Variants in TBC1D10B observed in about 807,000 individuals in gnomAD.
TBC1D10B encodes TBC1 domain family member 10B.
TBC1D10B carries 25 observed loss-of-function variants against 78.4 expected under a neutral mutation model. The ratio of observed to expected loss-of-function variants is 0.32; its 90% CI spans 0.23 to 0.45. The LOEUF (loss-of-function observed/expected upper bound fraction) is 0.45, where lower values mean the gene tolerates loss of function less well. Ranked by LOEUF, TBC1D10B falls within the 20% of genes least tolerant of loss-of-function variation. The pLI, the probability that TBC1D10B is intolerant of heterozygous loss-of-function variation, is 1.00. For missense variants in TBC1D10B, 996 were observed against 1,104.8 expected, an observed-to-expected ratio of 0.90 and a Z score of 1.40; for synonymous variants, 517 against 478.0, an observed-to-expected ratio of 1.08 and a Z score of -1.06.
chr16:30,358,748 C>T lies in TBC1D10B; in HGVS notation c.1712G>A (p.Arg571His), dbSNP rs1409118533. Residue 571 changes from arginine to histidine, a missense_variant, in exon 8 of 9, where the codon CGC becomes CAC. Transcript: ENST00000409939. ...GGTCTCATACATGCCTTGGCAGGAG[C>T]GCAGCTTCTCCACTGAGCCCAGCGT... ...RHTLGSVEKL[R>H]SCQGMYETME... is the part of the protein sequence containing the mutation. 6 of 1,609,174 alleles carry T rather than the reference C, an allele frequency of 3.7e-6. No individual in the cohort carries two copies. The highest frequency in any genetic ancestry group is 3.3e-4 in the Middle Eastern group (2 of 5,976).
Position 30,359,071 on chromosome 16 carries a change from A to G in TBC1D10B, c.1642+101T>C, listed in dbSNP as rs1469550435. ...CTGCTTATGGTGAAACCTCCACCCAACAAGTACCTTTTGTCCATGGACCAC... is the reference window on the plus strand; with the variant it reads ...CTGCTTATGGTGAAACCTCCACCCAGCAAGTACCTTTTGTCCATGGACCAC... On this transcript the variant is annotated intron_variant, in intron 7 of 8. Coordinates refer to ENST00000409939, the MANE Select transcript of TBC1D10B (RefSeq NM_015527.4). The G allele has an allele frequency of 2.1e-6, 3 of 1,421,244 alleles. No homozygotes were observed. The African/African-American group carries it at 4.3e-5, about 21-fold the overall frequency. The allele number at this position is 1,421,244 out of a possible 1,614,324, so 88.0% of individuals were successfully genotyped here. A position where few individuals can be genotyped will look rare whatever the true frequency, so the allele number is the denominator to read the frequency against.
At chr16:30,359,138 C>A in intron 7 of TBC1D10B, 34 bp downstream of exon 7, 1 of 1,579,714 alleles carries the variant, frequency 6.3e-7, no homozygotes, top group Non-Finnish European at 8.6e-7. Flanking sequence ...ACAGAAACCC[C>A]AGCCCCTCAT....
rs985521231 is a variant in TBC1D10B, at chr16:30,357,788, G to C, written c.*156C>G. On this transcript the variant is annotated 3_prime_UTR_variant, in exon 9 of 9. Transcript: ENST00000409939. Reference sequence around the variant, plus strand: ...TTGCAGCTGCCCATCTGTCCTGCCCGTGTAGGGATCAGCAGCTGGCGAGGA... The same window carrying C: ...TTGCAGCTGCCCATCTGTCCTGCCCCTGTAGGGATCAGCAGCTGGCGAGGA... The C allele has an allele frequency of 9.7e-7, 1 of 1,027,228 alleles. No individual in the cohort carries two copies. The highest frequency in any genetic ancestry group is 1.6e-5 in the African/African-American group (1 of 61,958). 63.6% of individuals were successfully genotyped at this position (1,027,228 alleles called of 1,614,324 possible).
At chr16:30,359,953 C>T (rs749282585) in intron 4 of TBC1D10B, 112 bp from the exon 5 acceptor site, 2 of 972,908 alleles carry the variant, frequency 2.1e-6, no homozygotes, top group African/African-American at 3.3e-5. Context: ...ATCCACCTGC[C>T]CAGTCCTGCT....
chr16:30,364,880 C>T lies in TBC1D10B; in HGVS notation c.1271+20G>A. The T allele has an allele frequency of 5.7e-6, 9 of 1,587,932 alleles. No homozygotes were observed. The highest frequency in any genetic ancestry group is 6.9e-6 in the Non-Finnish European group (8 of 1,167,082). On this transcript the variant is annotated intron_variant, in intron 4 of 8. Coordinates refer to ENST00000409939, the MANE Select transcript of TBC1D10B (RefSeq NM_015527.4). ...CCAGCCAATGTTTGCTGACTGACCC[C>T]CATGGTCCGGCCACCTTACCCATGC...
At chr16:30,363,132 C>G (rs999059606) in intron 4 of TBC1D10B, among the ~76,000 whole-genome samples, 1 of 152,192 alleles carries the variant, frequency 6.6e-6, no homozygotes, top group African/African-American at 2.4e-5. Context: ...AACAGCAACT[C>G]CATTCTTCTC....
Position 30,359,614 on chromosome 16 carries a change from C to T in TBC1D10B, c.1387-11G>A. The T allele has an allele frequency of 6.4e-7, 1 of 1,559,138 alleles. No homozygotes were observed. The highest frequency in any genetic ancestry group is 8.7e-7 in the Non-Finnish European group (1 of 1,151,472). ...GCACCAAAAGGCTTGCTGAGAAGAGCAAGAACAAGGAGGAGGGGTGGGGCC... is the reference window on the plus strand; with the variant it reads ...GCACCAAAAGGCTTGCTGAGAAGAGTAAGAACAAGGAGGAGGGGTGGGGCC... On this transcript the variant is annotated splice_polypyrimidine_tract_variant and intron_variant, in intron 5 of 8. Coordinates refer to ENST00000409939, the MANE Select transcript of TBC1D10B (RefSeq NM_015527.4).
In TBC1D10B at chr16:30,359,855, G is replaced by T; in HGVS notation, c.1272-14C>A. 6.4e-7 allele frequency: 1 copy of T among 1,551,920 alleles called. No homozygotes were observed. The highest frequency in any genetic ancestry group is 8.7e-7 in the Non-Finnish European group (1 of 1,146,978). Reference sequence around the variant, plus strand: ...AGGTCCTGTTGCCTGTGGGGGTTGGGGAAGACTGTGAGGGCAGTCACGGGC... The same window carrying T: ...AGGTCCTGTTGCCTGTGGGGGTTGGTGAAGACTGTGAGGGCAGTCACGGGC... On this transcript the variant is annotated splice_polypyrimidine_tract_variant and intron_variant, in intron 4 of 8. Coordinates refer to ENST00000409939, the MANE Select transcript of TBC1D10B (RefSeq NM_015527.4).
chr16:30,358,335 G>T lies in TBC1D10B; in HGVS notation c.2036C>A (p.Pro679Gln). 6.4e-7 allele frequency: 1 copy of T among 1,562,432 alleles called. No homozygotes were observed. The highest frequency in any genetic ancestry group is 8.7e-7 in the Non-Finnish European group (1 of 1,153,320). Residue 679 changes from proline to glutamine, a missense_variant, in exon 9 of 9, where the codon CCG (proline) becomes CAG (glutamine). Physicochemically the swap from Pro to Gln is moderately conservative, Grantham distance 76 (BLOSUM62 -1). Around this residue, in one of 5 missense-constraint regions of TBC1D10B, gnomAD observed 285 missense variants for 252.5 expected, o/e 1.13. Coordinates refer to ENST00000409939, the MANE Select transcript of TBC1D10B (RefSeq NM_015527.4). ...ACTGGCTCTGCGGACGGGGGGCGGC[G>T]GGGACGGGGCCCCTCCAGCTGCCCG... ...GSRAAGGAPS[P>Q]PPPVRRASAG...
Position 30,369,087 on chromosome 16 carries a change from G to A in TBC1D10B, c.956+141C>T. 5.7e-6 allele frequency: 5 copies of A among 870,700 alleles called. No individual in the cohort carries two copies. The highest frequency in any genetic ancestry group is 3.6e-5 in the South Asian group (2 of 55,650). 53.9% of individuals were successfully genotyped at this position (870,700 alleles called of 1,614,324 possible). A position where few individuals can be genotyped will look rare whatever the true frequency, so the allele number is the denominator to read the frequency against. The stretch of plus-strand genomic sequence containing the variant: ...AGGCACCTCAGGATGCTCAAGACAC[G>A]GCAGCTCGCGCTGATCACCCCGTGG... On this transcript the variant is annotated intron_variant, in intron 1 of 8. Coordinates refer to ENST00000409939, the MANE Select transcript of TBC1D10B (RefSeq NM_015527.4). The surrounding 1 kb of genome is among the most constrained non-coding windows in gnomAD (Gnocchi z 4.3).
At position 30,359,877 on chromosome 16, in the gene TBC1D10B, G is replaced by A. The variant is rs757102967; in HGVS notation, c.1272-36C>T. ...TGGGGAAGACTGTGAGGGCAGTCACGGGCTGAGAGCTCTGTCCCCAAACCC... is the reference window on the plus strand; with the variant it reads ...TGGGGAAGACTGTGAGGGCAGTCACAGGCTGAGAGCTCTGTCCCCAAACCC... On this transcript the variant is annotated intron_variant, in intron 4 of 8. Transcript: ENST00000409939. 36 of 1,519,740 alleles carry A rather than the reference G, an allele frequency of 2.4e-5. No homozygotes were observed. The Middle Eastern group carries it at 6.2e-4, about 26-fold the overall frequency. 94.1% of individuals were successfully genotyped at this position (1,519,740 alleles called of 1,614,324 possible).
intron 4 of TBC1D10B, among the ~76,000 whole-genome samples, chr16:30,361,556 A>G (rs2049598695): frequency 6.6e-6 from 1 of 151,970 alleles, no homozygotes; most frequent in Non-Finnish European, 1.5e-5. Flanking sequence ...CAGCCTCCCT[A>G]TAAAATGCCC....
At chr16:30,363,372 T>G (rs2049611826) in intron 4 of TBC1D10B, among the ~76,000 whole-genome samples, 1 of 152,216 alleles carries the variant, frequency 6.6e-6, no homozygotes, top group African/African-American at 2.4e-5. Context: ...CTCAGCATGG[T>G]AGCCAGAATG....
chr16:30,362,025 T>G (rs1447185027), intron 4 of TBC1D10B, among the ~76,000 whole-genome samples: 1 of 152,090 alleles, frequency 6.6e-6, no homozygotes, highest in Non-Finnish European at 1.5e-5. Context: ...TTTTTGTATT[T>G]TTTTAGTAGA....
Position 30,359,518 on chromosome 16 carries a change from C to G in TBC1D10B, c.1452+20G>C. ...AGGAAACGCCACAGCCCCGGATGCA[C>G]CCAGCCTCCAGACACTCACCAGCCC... On this transcript the variant is annotated intron_variant, in intron 6 of 8. Transcript: ENST00000409939. The G allele has an allele frequency of 1.3e-6, 2 of 1,555,176 alleles. No homozygotes were observed. Among genetic ancestry groups the G allele is most frequent in the Non-Finnish European group, 1.7e-6 (2 of 1,149,072 alleles).
Position 30,369,115 on chromosome 16 carries a change from C to T in TBC1D10B, c.956+113G>A. On this transcript the variant is annotated intron_variant, in intron 1 of 8. Transcript: ENST00000409939. The surrounding 1 kb of genome is among the most constrained non-coding windows in gnomAD (Gnocchi z 4.3). ...AGCTCGCGCTGATCACCCCGTGGAT[C>T]CTCAGAGGAGGCTGGGCTGCCAGAG... The T allele has an allele frequency of 2.6e-6, 3 of 1,137,262 alleles. No individual in the cohort carries two copies. Among genetic ancestry groups the T allele is most frequent in the Non-Finnish European group, 2.4e-6 (2 of 817,094 alleles). The allele number at this position is 1,137,262 out of a possible 1,614,324, so 70.4% of individuals were successfully genotyped here.
intron 1 of TBC1D10B, chr16:30,367,628 G>A (rs561898934): frequency 2.6e-5 from 4 of 152,324 alleles, no homozygotes; most frequent in African/African-American, 9.6e-5. Context: ...GGGGAGAAGA[G>A]CACCCTTGGC....
intron 1 of TBC1D10B, among the ~76,000 whole-genome samples, chr16:30,368,419 C>T (rs932096899): frequency 2.6e-5 from 4 of 152,172 alleles, no homozygotes; most frequent in African/African-American, 9.7e-5. Flanking sequence ...ACTATTTTAT[C>T]CTTAGCACCT....
At chr16:30,368,264 C>G (rs2049651928) in intron 1 of TBC1D10B, among the ~76,000 whole-genome samples, 2 of 152,166 alleles carry the variant, frequency 1.3e-5, no homozygotes, top group South Asian at 4.1e-4. Context: ...TTACTCTCCA[C>G]GATTCAGAGC....
Sources: gnomAD v4.1 joint callset for allele counts (sites outside exome capture counted in the v4.1 genomes callset) on GRCh38, gnomAD v4.1.1 for gene constraint, gnomAD v4.1.1 regional missense constraint, Gnocchi (gnomAD v3.1) non-coding constraint, MANE v1.5 for transcripts, NCBI Gene and HGNC (gene_info 2026-07-23, HGNC 2026-07-21) for gene names.